CSPG4: variants seen among roughly 807,000 people sequenced by gnomAD.
CSPG4 encodes the protein chondroitin sulfate proteoglycan 4 (melanoma-associated).
In CSPG4, 74 loss-of-function variants were observed where a neutral mutation model predicts 139.3. The observed-to-expected ratio is 0.53, with a 90% CI of 0.44 to 0.64. The LOEUF (loss-of-function observed/expected upper bound fraction) is 0.64, where lower values mean the gene tolerates loss of function less well. CSPG4 is among the 30% of genes least tolerant of loss of function. The probability of loss-of-function intolerance (pLI) is 0.00; values close to 1 mark genes in which losing one functional copy is unlikely to be tolerated. For synonymous variants in CSPG4, 1,234 were observed against 1,394.2 expected (o/e 0.89, Z 2.56); for missense variants, 2,565 against 3,148.3 (o/e 0.81, Z 4.43).
chr15:75,677,551 G>T, intron 9 of CSPG4, 152 bp downstream of exon 9: 2 of 1,170,000 alleles, frequency 1.7e-6, no homozygotes, highest in Non-Finnish European at 2.4e-6. Flanking sequence ...TGTCCCCGCT[G>T]TGATGTCAAA....
chr15:75,693,790 C>T (rs966736794), intron 1 of CSPG4, among the ~76,000 whole-genome samples: 4 of 152,258 alleles, frequency 2.6e-5, no homozygotes, highest in South Asian at 2.1e-4. Flanking sequence ...GCTGAGGCCA[C>T]GACTGGGATC....
chr15:75,712,593 C>T (rs1894460606), intron 1 of CSPG4, 75 bp downstream of exon 1: 2 of 1,418,728 alleles, frequency 1.4e-6, no homozygotes, highest in Admixed American at 2.0e-5. Flanking sequence ...TCTGGCTCCT[C>T]CTGTCCCTTT....
Position 75,676,927 on chromosome 15 carries a change from A to G in CSPG4, c.5592T>C (p.Ala1864=), listed in dbSNP as rs781756082. Residue 1864 remains alanine (A), a synonymous_variant, in exon 10 of 10, where the codon GCT becomes GCC. Transcript: ENST00000308508. ...AQLSVVDPDS[A]PGEIEYEVQR... ...GGACCTCGTACTCAATCTCCCCAGG[A>G]GCTGAGTCTGGGTCCACCACACTCA... 3 of 1,554,750 alleles carry G rather than the reference A, an allele frequency of 1.9e-6. No individual in the cohort carries two copies. In the South Asian group the frequency reaches 3.5e-5, roughly 18 times the overall value.
In CSPG4 at chr15:75,675,020, C is replaced by T. The variant is rs1409101130; in HGVS notation, c.*530G>A. The T allele has an allele frequency of 2.6e-6, 1 of 391,930 alleles. No homozygotes were observed. Among genetic ancestry groups the T allele is most frequent in the African/African-American group, 2.1e-5 (1 of 48,498 alleles). 24.3% of individuals were successfully genotyped at this position (391,930 alleles called of 1,614,324 possible). A position where few individuals can be genotyped will look rare whatever the true frequency, so the allele number is the denominator to read the frequency against. On this transcript the variant is annotated 3_prime_UTR_variant, in exon 10 of 10. Coordinates refer to ENST00000308508, the MANE Select transcript of CSPG4 (RefSeq NM_001897.5). Reference sequence around the variant, plus strand: ...ACTGGAGGCGCTCTCTCCTCTTGCCCTCTACTCCAGGGGATACCATCTCCC... The same window carrying T: ...ACTGGAGGCGCTCTCTCCTCTTGCCTTCTACTCCAGGGGATACCATCTCCC...
At chr15:75,679,162 G>A in intron 8 of CSPG4, 1 of 185,136 alleles carries the variant, frequency 5.4e-6, no homozygotes, top group Non-Finnish European at 1.1e-5. Flanking sequence ...CATGTTTCCA[G>A]CTACCTCTGC....
chr15:75,708,933 G>C (rs1309714988), intron 1 of CSPG4, among the ~76,000 whole-genome samples: 1 of 152,198 alleles, frequency 6.6e-6, no homozygotes, highest in African/African-American at 2.4e-5. Context: ...GAGGTGGGGA[G>C]ATCGCTTGAG....
chr15:75,678,545 G>T (rs1893925122), intron 8 of CSPG4: 2 of 424,902 alleles, frequency 4.7e-6, no homozygotes, highest in Non-Finnish European at 9.6e-6. Context: ...GTTGAGACAG[G>T]GTCTCACTAT....
intron 2 of CSPG4, among the ~76,000 whole-genome samples, chr15:75,691,866 C>T (rs985787965): frequency 6.6e-6 from 1 of 152,158 alleles, no homozygotes; most frequent in African/African-American, 2.4e-5. Flanking sequence ...ATTGTACCTA[C>T]AGAACTGGAC....
chr15:75,691,586 C>T (rs191480951), intron 2 of CSPG4, among the ~76,000 whole-genome samples: 33 of 152,246 alleles, frequency 2.2e-4, no homozygotes, highest in Admixed American at 2.0e-3. Context: ...CAGCCAGGCT[C>T]ACTGTTCAGG....
At position 75,674,610 on chromosome 15, in the gene CSPG4, C is replaced by T; in HGVS notation, c.*940G>A. 2.5e-6 allele frequency: 1 copy of T among 398,218 alleles called. No individual in the cohort carries two copies. The highest frequency in any genetic ancestry group is 3.6e-5 in the East Asian group (1 of 28,054). The allele number at this position is 398,218 out of a possible 1,614,324, so 24.7% of individuals were successfully genotyped here. Reference sequence around the variant, plus strand: ...GCCCAGTGCATAGTTAAGACACAAACACCACACAGCTGTCCAGAGCCTCCA... The same window carrying T: ...GCCCAGTGCATAGTTAAGACACAAATACCACACAGCTGTCCAGAGCCTCCA... On this transcript the variant is annotated 3_prime_UTR_variant, in exon 10 of 10. Transcript: ENST00000308508.
intron 8 of CSPG4, among the ~76,000 whole-genome samples, 193 bp from the exon 9 acceptor site, chr15:75,678,079 C>CCCAACTCTT (rs1893919839): frequency 6.6e-6 from 1 of 152,196 alleles, no homozygotes; most frequent in Admixed American, 6.5e-5. Flanking sequence ...GCTCTGGAGC[C>CCCAACTCTT]GGAGCCTGGG....
chr15:75,679,196 C>T (rs1157083460), intron 8 of CSPG4: 1 of 167,074 alleles, frequency 6.0e-6, no homozygotes, highest in Non-Finnish European at 1.3e-5. Flanking sequence ...ACACCTCAAA[C>T]TCAACCTGCC....
Position 75,676,809 on chromosome 15 carries a change from G to A in CSPG4, c.5710C>T (p.Leu1904=). 6.5e-7 allele frequency: 1 copy of A among 1,545,262 alleles called. No homozygotes were observed. Residue 1904 remains leucine, a synonymous_variant, in exon 10 of 10, where the codon CTG becomes TTG. Coordinates refer to ENST00000308508, the MANE Select transcript of CSPG4 (RefSeq NM_001897.5). The stretch of plus-strand genomic sequence containing the variant: ...CTGCTCCCGTTGGCCACGAAGGCCA[G>A]CCGCCCTGAATCCACATCGGCTTGC... ...FTQADVDSGR[L]AFVANGSSVA...
At chr15:75,679,289 A>G (rs1893938697) in intron 8 of CSPG4, 1 of 154,468 alleles carries the variant, frequency 6.5e-6, no homozygotes, top group Non-Finnish European at 1.4e-5. Flanking sequence ...GGCTCAGGCC[A>G]CACCCTTGGA....
At chr15:75,701,413 G>C (rs1282283077) in intron 1 of CSPG4, among the ~76,000 whole-genome samples, 1 of 152,114 alleles carries the variant, frequency 6.6e-6, no homozygotes, top group Non-Finnish European at 1.5e-5. Flanking sequence ...GGGCGTTGCC[G>C]GGGGGTGCAC....
At chr15:75,697,348 C>T (rs552888297) in intron 1 of CSPG4, among the ~76,000 whole-genome samples, 4 of 152,266 alleles carry the variant, frequency 2.6e-5, no homozygotes, top group African/African-American at 9.6e-5. Context: ...TGGAGGGCCC[C>T]GGCCTGGGGC....
In CSPG4 at chr15:75,690,314, T is replaced by C. The variant is rs1894145867; in HGVS notation, c.751A>G (p.Ile251Val). The change falls in exon 3 of 10, where the codon ATC (isoleucine) becomes GTC (valine). Residue 251 changes from isoleucine (I) to valine (V), a missense_variant. This residue lies in a region of CSPG4 where 40 missense variants were observed against 89.0 expected (regional missense o/e 0.45). Coordinates refer to ENST00000308508, the MANE Select transcript of CSPG4 (RefSeq NM_001897.5). Reference protein sequence around the residue: ...FQAGGRRGDFIYVDIFEGHLR... With the variant: ...FQAGGRRGDFVYVDIFEGHLR... ...TGGCCCTCAAATATGTCCACATAGA[T>C]GAAGTCCCCACGCCGGCCCCCTGCC... The C allele has an allele frequency of 6.2e-7, 1 of 1,612,850 alleles. No individual in the cohort carries two copies. The highest frequency in any genetic ancestry group is 8.5e-7 in the Non-Finnish European group (1 of 1,179,758).
In CSPG4 at chr15:75,682,475, G is replaced by T; in HGVS notation, c.4784-16C>A. 6.4e-7 allele frequency: 1 copy of T among 1,572,772 alleles called. No homozygotes were observed. Among genetic ancestry groups the T allele is most frequent in the Non-Finnish European group, 8.6e-7 (1 of 1,163,336 alleles). Reference sequence around the variant, plus strand: ...TGGACGGACCCTGCCAGAGGCAAAAGGGGATATCAGATTTTGACTGGGAGC... The same window carrying T: ...TGGACGGACCCTGCCAGAGGCAAAATGGGATATCAGATTTTGACTGGGAGC... On this transcript the variant is annotated splice_polypyrimidine_tract_variant and intron_variant, in intron 7 of 9. Transcript: ENST00000308508.
intron 1 of CSPG4, among the ~76,000 whole-genome samples, chr15:75,706,118 G>T (rs369153717): frequency 6.6e-6 from 1 of 152,194 alleles, no homozygotes; most frequent in Admixed American, 6.5e-5. Flanking sequence ...AGCGGGTGTC[G>T]TGGGAATCAG....
Sources: allele counts gnomAD v4.1 joint callset (sites outside exome capture counted in the v4.1 genomes callset), GRCh38; gene constraint gnomAD v4.1.1; regional missense constraint gnomAD v4.1.1; transcripts MANE v1.5; gene names NCBI Gene and HGNC (gene_info 2026-07-23, HGNC 2026-07-21).